CNNM2: variants seen among roughly 807,000 people sequenced by gnomAD.
The protein encoded by CNNM2 is cyclin and CBS domain divalent metal cation transport mediator 2, also known as metal transporter CNNM2.
Under a neutral mutation model 66.9 loss-of-function variants are expected in CNNM2, and 12 were observed. The ratio of observed to expected loss-of-function variants is 0.18; its 90% CI spans 0.11 to 0.29. The LOEUF is 0.29. CNNM2 is among the 10% of genes least tolerant of loss of function. The pLI, the probability that CNNM2 is intolerant of heterozygous loss-of-function variation, is 1.00. For synonymous variants in CNNM2, 557 were observed against 501.8 expected (o/e 1.11, Z -1.47); for missense variants, 705 against 1,167.7 (o/e 0.60, Z 5.77).
rs2134371878 is a variant in CNNM2 at position 103,076,229 on chromosome 10, G to A, written c.2377G>A (p.Asp793Asn). The change falls in exon 7 of 8, where the codon GAT (aspartate) becomes AAT (asparagine). Residue 793 changes from aspartate (D) to asparagine (N), a missense_variant. Asp to Asn is a conservative substitution (Grantham distance 23, BLOSUM62 1). Coordinates refer to ENST00000369878, the MANE Select transcript of CNNM2 (RefSeq NM_017649.5). ...NSSLLQVYIP[D>N]YSVRALSDLQ... ...TTCGCTCCTCCAAGTCTACATCCCC[G>A]ATTACTCGGTGCGAGCCCTTTCGGA... The A allele has an allele frequency of 6.3e-7, 1 of 1,575,922 alleles. No individual in the cohort carries two copies. The highest frequency in any genetic ancestry group is 8.6e-7 in the Non-Finnish European group (1 of 1,160,384).
At position 102,918,333 on chromosome 10, in the gene CNNM2, G is replaced by C. The variant is rs1322946956; in HGVS notation, c.-148G>C. On this transcript the variant is annotated 5_prime_UTR_variant, in exon 1 of 8. Coordinates refer to ENST00000369878, the MANE Select transcript of CNNM2 (RefSeq NM_017649.5). The surrounding 1 kb of genome is among the most constrained non-coding windows in gnomAD (Gnocchi z 4.1). Reference sequence around the variant, plus strand: ...CTCCCGCGAGCCTCGGGGTTCCTCAGCTGGCTGAGGTGGAGTCAGTGTCAG... The same window carrying C: ...CTCCCGCGAGCCTCGGGGTTCCTCACCTGGCTGAGGTGGAGTCAGTGTCAG... The C allele has an allele frequency of 3.0e-6, 4 of 1,349,752 alleles. No individual in the cohort carries two copies. The highest frequency in any genetic ancestry group is 3.1e-5 in the African/African-American group (2 of 65,496). 83.6% of individuals were successfully genotyped at this position (1,349,752 alleles called of 1,614,324 possible).
In CNNM2 at chr10:103,010,743, G is replaced by A. The variant is rs144810889; in HGVS notation, c.1622-38964G>A. On this transcript the variant is annotated intron_variant, in intron 1 of 7. Transcript: ENST00000369878. ...TTCTCCTGCCTCAGCGTCCGGAGTAGCTGGGATTATAGGCGCCCGCCACCA... is the reference window on the plus strand; with the variant it reads ...TTCTCCTGCCTCAGCGTCCGGAGTAACTGGGATTATAGGCGCCCGCCACCA... Among the ~76,000 whole-genome samples, 81 of 152,160 alleles carry A rather than the reference G, an allele frequency of 5.3e-4. 1 individual carries two copies. The East Asian group carries it at 0.015, about 28-fold the overall frequency.
chr10:102,986,498 T>C (rs1047020873), intron 1 of CNNM2, among the ~76,000 whole-genome samples: 2 of 152,166 alleles, frequency 1.3e-5, no homozygotes, highest in Non-Finnish European at 2.9e-5. Flanking sequence ...GAAAATGTCC[T>C]GTGGCTGGGC....
intron 1 of CNNM2, among the ~76,000 whole-genome samples, chr10:103,022,129 G>A (rs971452666): frequency 6.6e-6 from 1 of 152,180 alleles, no homozygotes; most frequent in African/African-American, 2.4e-5. Flanking sequence ...CTGTGAAACT[G>A]CAGTTTCTAC....
rs12573221 is a variant in CNNM2 at position 103,089,387 on chromosome 10, A to C, written c.*12207A>C. The C allele has an allele frequency of 0.022, 6,982 of 310,428 alleles. 150 individuals are homozygous for C. Among genetic ancestry groups the C allele is most frequent in the South Asian group, 0.11 (924 of 8,594 alleles). The allele number at this position is 310,428 out of a possible 1,614,324, so 19.2% of individuals were successfully genotyped here. On this transcript the variant is annotated 3_prime_UTR_variant, in exon 8 of 8. Coordinates refer to ENST00000369878, the MANE Select transcript of CNNM2 (RefSeq NM_017649.5). The stretch of plus-strand genomic sequence containing the variant: ...ACACTGACATACGGATGATTTTAAA[A>C]GTGTCACAAGCCACAGTGGAGCCAT...
chr10:102,930,906 A>G (rs1349142985), intron 1 of CNNM2, among the ~76,000 whole-genome samples: 1 of 152,204 alleles, frequency 6.6e-6, no homozygotes. Flanking sequence ...ATTCAGTTTT[A>G]TAGATATACC....
At chr10:103,045,296 G>C (rs768235897) in intron 1 of CNNM2, among the ~76,000 whole-genome samples, 13 of 152,140 alleles carry the variant, frequency 8.5e-5, no homozygotes, top group Non-Finnish European at 1.8e-4. Context: ...TTCTTTGAGC[G>C]TGAGCATGCT....
chr10:103,003,454 C>T (rs751465423), intron 1 of CNNM2, among the ~76,000 whole-genome samples: 9 of 152,102 alleles, frequency 5.9e-5, no homozygotes, highest in Admixed American at 2.0e-4. Context: ...TAAATTATAA[C>T]GTGTATACAG....
intron 1 of CNNM2, among the ~76,000 whole-genome samples, chr10:102,969,945 T>C (rs2063524414): frequency 6.6e-6 from 1 of 152,166 alleles, no homozygotes; most frequent in Non-Finnish European, 1.5e-5. Flanking sequence ...GCCTGCCTTA[T>C]TAACTGTATT....
intron 1 of CNNM2, among the ~76,000 whole-genome samples, chr10:102,951,873 G>A (rs1009832348): frequency 2.0e-5 from 3 of 151,516 alleles, no homozygotes; most frequent in Non-Finnish European, 2.9e-5. Context: ...GCACAATCTC[G>A]GCTCACTGCA....
At chr10:103,071,747 C>T (rs1262299620) in intron 5 of CNNM2, 27 bp from the exon 6 acceptor site, 1 of 1,596,646 alleles carries the variant, frequency 6.3e-7, no homozygotes, top group African/African-American at 1.3e-5. Context: ...TTGATGCGAT[C>T]TCACCCTGTT....
chr10:103,048,526 C>G (rs746210193), intron 1 of CNNM2, among the ~76,000 whole-genome samples: 14 of 150,494 alleles, frequency 9.3e-5, no homozygotes, highest in Non-Finnish European at 1.9e-4. Context: ...AAAATTTTAA[C>G]TGTCTGTTGA....
At chr10:102,946,862 G>A (rs1208416665) in intron 1 of CNNM2, among the ~76,000 whole-genome samples, 1 of 152,152 alleles carries the variant, frequency 6.6e-6, no homozygotes, top group Non-Finnish European at 1.5e-5. Flanking sequence ...ACTACAACAT[G>A]TTAATAACCA....
chr10:103,062,396 C>T (rs1003722938), intron 4 of CNNM2, among the ~76,000 whole-genome samples: 5 of 152,136 alleles, frequency 3.3e-5, no homozygotes, highest in East Asian at 3.8e-4. Flanking sequence ...TTAAGTTGCA[C>T]GGTCTGTGTA....
chr10:102,923,670 C>G (rs1303795342), intron 1 of CNNM2, among the ~76,000 whole-genome samples: 1 of 152,180 alleles, frequency 6.6e-6, no homozygotes, highest in Admixed American at 6.5e-5. Flanking sequence ...TTGTGCATAA[C>G]AACTGGTGTC....
At chr10:102,975,811 C>T (rs906003033) in intron 1 of CNNM2, among the ~76,000 whole-genome samples, 2 of 152,054 alleles carry the variant, frequency 1.3e-5, no homozygotes, top group Non-Finnish European at 2.9e-5. Context: ...AGAAGCATAG[C>T]CAATTAAAAC....
In CNNM2 at chr10:103,087,139, G is replaced by GTTTTTTTT. The variant is rs2065826895; in HGVS notation, c.*9959_*9960insTTTTTTTT. The GTTTTTTTT allele has an allele frequency of 2.1e-5, 1 of 48,018 alleles. No homozygotes were observed. The highest frequency in any genetic ancestry group is 4.6e-5 in the Non-Finnish European group (1 of 21,736). The allele number at this position is 48,018 out of a possible 1,614,324, so 3.0% of individuals were successfully genotyped here. A position where few individuals can be genotyped will look rare whatever the true frequency, so the allele number is the denominator to read the frequency against. On this transcript the variant is annotated 3_prime_UTR_variant, in exon 8 of 8. Coordinates refer to ENST00000369878, the MANE Select transcript of CNNM2 (RefSeq NM_017649.5). ...CTTCTCACGGTATAAAACTCCGCAGGATTTTTTTTTTTTTTTTTTTTTTTT... is the reference window on the plus strand; with the variant it reads ...CTTCTCACGGTATAAAACTCCGCAGGTTTTTTTTATTTTTTTTTTTTTTTTTTTTTTTT...
intron 1 of CNNM2, among the ~76,000 whole-genome samples, chr10:103,013,899 G>A (rs1051234604): frequency 6.6e-6 from 1 of 152,182 alleles, no homozygotes; most frequent in Non-Finnish European, 1.5e-5. Flanking sequence ...TATTAAATCT[G>A]TGTAATTCTA....
chr10:103,020,800 GAGGGTGTA>G, intron 1 of CNNM2, among the ~76,000 whole-genome samples: 1 of 73,066 alleles, frequency 1.4e-5, no homozygotes, highest in Non-Finnish European at 3.2e-5. Context: ...AAGGGCGCAT[GAGGGTGTA>G]GGAACAGTGG....
Sources: gnomAD v4.1 joint callset for allele counts (sites outside exome capture counted in the v4.1 genomes callset) on GRCh38, gnomAD v4.1.1 for gene constraint, Gnocchi (gnomAD v3.1) non-coding constraint, MANE v1.5 for transcripts, NCBI Gene and HGNC (gene_info 2026-07-23, HGNC 2026-07-21) for gene names.